ICAM3: variants seen among roughly 807,000 people sequenced by gnomAD.
The protein encoded by ICAM3 is intercellular adhesion molecule 3.
Under a neutral mutation model 43.6 loss-of-function variants are expected in ICAM3, and 54 were observed. That is an observed-to-expected ratio of 1.24 (90% CI 0.99 to 1.55). ICAM3 has a LOEUF of 1.55. Ranked by LOEUF, ICAM3 falls within the 40% of genes most tolerant of loss-of-function variation. The pLI is 0.00. For synonymous variants in ICAM3, 306 were observed against 312.6 expected (o/e 0.98, Z 0.22); for missense variants, 715 against 717.9 (o/e 1.00, Z 0.05).
chr19:10,335,962 CACGCTCCGGGA>C lies in ICAM3; in HGVS notation c.347_357del (p.Leu116ArgfsTer194), dbSNP rs1235136229. On this transcript the variant is annotated frameshift_variant, in exon 3 of 7. Transcript: ENST00000160262. LOFTEE classifies it high-confidence loss of function. ...CAAGGAGGCAGGGGTGCCAGCTCCA[CACGCTCCGGGA>C]GCCCTGAGAGAGGAGGGGAGGATGG... 1 of 1,564,414 alleles carries C rather than the reference CACGCTCCGGGA, an allele frequency of 6.4e-7. No individual in the cohort carries two copies. The highest frequency in any genetic ancestry group is 1.3e-5 in the African/African-American group (1 of 74,338).
At chr19:10,339,031 T>G in intron 1 of ICAM3, 83 bp from the exon 2 acceptor site, 4 of 1,442,382 alleles carry the variant, frequency 2.8e-6, no homozygotes, top group Non-Finnish European at 2.9e-6. Flanking sequence ...TTAACACCTC[T>G]CTCCTTGTGC....
At position 10,334,189 on chromosome 19, in the gene ICAM3, T is replaced by C; in HGVS notation, c.1412A>G (p.Tyr471Cys). 1 of 1,613,498 alleles carries C rather than the reference T, an allele frequency of 6.2e-7. No individual in the cohort carries two copies. The highest frequency in any genetic ancestry group is 8.5e-7 in the Non-Finnish European group (1 of 1,179,906). The change falls in exon 6 of 7, where the codon TAC becomes TGC. Residue 471 changes from tyrosine to cysteine, a missense_variant. Transcript: ENST00000160262. The surrounding 1 kb of genome is among the most constrained non-coding windows in gnomAD (Gnocchi z 5.5). ...AATGTCCATCACCACGACCAGGGTG[T>C]ATTTGCCTCGTGAGCTGGACGCTTG... ...QCQASSSRGK[Y>C]TLVVVMDIEA...
In ICAM3 at chr19:10,334,742, G is replaced by A; in HGVS notation, c.978C>T (p.Ala326=). Residue 326 remains alanine (A), a synonymous_variant, in exon 5 of 7, where the codon GCC becomes GCT. Coordinates refer to ENST00000160262, the MANE Select transcript of ICAM3 (RefSeq NM_002162.5). The surrounding 1 kb of genome is among the most constrained non-coding windows in gnomAD (Gnocchi z 5.5). ...GPIVNLSEPT[A]HEGSTVTVSC... is the part of the protein sequence containing the mutation. ...TCACGGTCACTGTGGACCCCTCATG[G>A]GCGGTGGGCTCGCTGAGGTTCACAA... The A allele has an allele frequency of 6.2e-7, 1 of 1,609,810 alleles. No individual in the cohort carries two copies. The highest frequency in any genetic ancestry group is 8.5e-7 in the Non-Finnish European group (1 of 1,177,382).
At chr19:10,339,214 T>C (rs1443128776) in intron 1 of ICAM3, 2 of 584,760 alleles carry the variant, frequency 3.4e-6, no homozygotes, top group Non-Finnish European at 6.1e-6. Flanking sequence ...GAAGGCTAAG[T>C]AGGAGTTAGC....
intron 2 of ICAM3, among the ~76,000 whole-genome samples, chr19:10,338,426 T>C (rs1232949584): frequency 1.3e-5 from 2 of 151,580 alleles, no homozygotes. Flanking sequence ...AAAATGCTTG[T>C]TGGGGCCCAA....
rs771277987 is a variant in ICAM3 at position 10,333,845 on chromosome 19, C to T, written c.*12G>A. Reference sequence around the variant, plus strand: ...GCCAAGCCCCCGCCAACTTTGATCCCGGATCCCAGCGTCACTCAGCTCTGG... The same window carrying T: ...GCCAAGCCCCCGCCAACTTTGATCCTGGATCCCAGCGTCACTCAGCTCTGG... On this transcript the variant is annotated 3_prime_UTR_variant, in exon 7 of 7. Coordinates refer to ENST00000160262, the MANE Select transcript of ICAM3 (RefSeq NM_002162.5). This position sits in a 1 kb window ranked among gnomAD's most constrained non-coding sequence, Gnocchi z 4.2. The T allele has an allele frequency of 7.4e-6, 12 of 1,611,910 alleles. No individual in the cohort carries two copies. Among genetic ancestry groups the T allele is most frequent in the Non-Finnish European group, 1.7e-6 (2 of 1,178,236 alleles).
intron 1 of ICAM3, 138 bp downstream of exon 1, chr19:10,339,401 C>G: frequency 1.4e-6 from 1 of 738,328 alleles, no homozygotes; most frequent in Non-Finnish European, 2.3e-6. Context: ...GGAACCAGAA[C>G]TTTCTCCCGA....
Position 10,335,658 on chromosome 19 carries a change from C to A in ICAM3, c.649+13G>T. 6.3e-7 allele frequency: 1 copy of A among 1,589,982 alleles called. No homozygotes were observed. The highest frequency in any genetic ancestry group is 8.6e-7 in the Non-Finnish European group (1 of 1,167,548). On this transcript the variant is annotated intron_variant, in intron 3 of 6. Transcript: ENST00000160262. ...TCAGCTCGTCACCCACCGTCTGAAG[C>A]CCCTTCTCTCACCAAAGGTTCGGAG...
chr19:10,336,094 C>CT (rs1172560381), intron 2 of ICAM3, 118 bp from the exon 3 acceptor site: 3 of 856,048 alleles, frequency 3.5e-6, no homozygotes, highest in Non-Finnish European at 5.3e-6. Context: ...AGTTAATAAA[C>CT]TTAGAGGGCT....
rs141412554 is a variant in ICAM3 at position 10,338,889 on chromosome 19, C to T, written c.136G>A (p.Gly46Arg). The T allele has an allele frequency of 9.3e-6, 15 of 1,613,996 alleles. No individual in the cohort carries two copies. The highest frequency in any genetic ancestry group is 5.3e-5 in the African/African-American group (4 of 74,912). ...VEPQNPVLSA[G>R]GSLFVNCSTD... ...CTGCAGTTCACAAACAGGGACCCTCCAGCAGAGAGCACAGGGTTCTGGGGC... is the reference window on the plus strand; with the variant it reads ...CTGCAGTTCACAAACAGGGACCCTCTAGCAGAGAGCACAGGGTTCTGGGGC... Residue 46 changes from glycine (G) to arginine (R), a missense_variant, in exon 2 of 7, where the codon GGA (glycine) becomes AGA (arginine). Coordinates refer to ENST00000160262, the MANE Select transcript of ICAM3 (RefSeq NM_002162.5).
At chr19:10,336,839 G>A (rs2040603229) in intron 2 of ICAM3, among the ~76,000 whole-genome samples, 1 of 149,282 alleles carries the variant, frequency 6.7e-6, no homozygotes, top group Non-Finnish European at 1.5e-5. Flanking sequence ...GCTGGGCAAG[G>A]TGACTCATGC....
At chr19:10,335,622 T>C in intron 3 of ICAM3, 49 bp downstream of exon 3, 1 of 1,521,812 alleles carries the variant, frequency 6.6e-7, no homozygotes, top group South Asian at 1.2e-5. Context: ...CAGGGCACCG[T>C]CTACCCTGGC....
chr19:10,337,452 A>AGCCAG (rs1259415175), intron 2 of ICAM3, among the ~76,000 whole-genome samples: 1 of 13,842 alleles, frequency 7.2e-5, no homozygotes, highest in Admixed American at 3.6e-4. Flanking sequence ...GAAAAAAAAA[A>AGCCAG]GTAGCCAGGC....
rs756172817 is a variant in ICAM3 at position 10,334,545 on chromosome 19, A to G, written c.1175T>C (p.Val392Ala). The G allele has an allele frequency of 1.2e-6, 2 of 1,611,034 alleles. No homozygotes were observed. The change falls in exon 5 of 7, where the codon GTC (valine) becomes GCC (alanine). Residue 392 changes from valine to alanine, a missense_variant. By Grantham distance (64) the Val-to-Ala change is moderately conservative. Transcript: ENST00000160262. This position sits in a 1 kb window ranked among gnomAD's most constrained non-coding sequence, Gnocchi z 5.5. The part of the protein sequence containing the change: ...DGEFLHRNSS[V>A]QLRVLYGPKI... ...CGACTCACACAGGACTCGCAGCTGG[A>G]CGCTACTGTTCCTGTGCAAGAACTC...
chr19:10,338,954 G>A lies in ICAM3; in HGVS notation c.77-6C>T, dbSNP rs769547272. 6.2e-7 allele frequency: 1 copy of A among 1,612,288 alleles called. No individual in the cohort carries two copies. Among genetic ancestry groups the A allele is most frequent in the Non-Finnish European group, 8.5e-7 (1 of 1,179,080 alleles). On this transcript the variant is annotated splice_polypyrimidine_tract_variant and splice_region_variant and intron_variant, in intron 1 of 6. Coordinates refer to ENST00000160262, the MANE Select transcript of ICAM3 (RefSeq NM_002162.5). ...GAACTCCTGCCCCTGGACACCTTCA[G>A]GAACATGAAGAAGTCCTGGTGTTTG... is the stretch of plus-strand genomic sequence containing the variant.
chr19:10,334,077 TAA>T lies in ICAM3; in HGVS notation c.1442-20_1442-19del. 6.2e-7 allele frequency: 1 copy of T among 1,613,366 alleles called. No individual in the cohort carries two copies. ...GCTCCCAGCTGTGCAGAGAAAGCGC[TAA>T]GTCAATATGCGTCCCTTCTGTCTCC... On this transcript the variant is annotated intron_variant, in intron 6 of 6. Transcript: ENST00000160262. This position sits in a 1 kb window ranked among gnomAD's most constrained non-coding sequence, Gnocchi z 5.5.
chr19:10,335,975 C>CTCCA lies in ICAM3; in HGVS notation c.344_345insTGGA (p.Arg115SerfsTer200). ...GTGCCAGCTCCACACGCTCCGGGAG[C>CTCCA]CCTGAGAGAGGAGGGGAGGATGGCA... is the stretch of plus-strand genomic sequence containing the variant. On this transcript the variant is annotated frameshift_variant and splice_region_variant, in exon 3 of 7. Coordinates refer to ENST00000160262, the MANE Select transcript of ICAM3 (RefSeq NM_002162.5). LOFTEE classifies it high-confidence loss of function. 6.5e-7 allele frequency: 1 copy of CTCCA among 1,549,192 alleles called. No homozygotes were observed. Among genetic ancestry groups the CTCCA allele is most frequent in the South Asian group, 1.2e-5 (1 of 85,614 alleles).
rs1326638756 is a variant in ICAM3, at chr19:10,339,519, C to T, written c.76+20G>A. The T allele has an allele frequency of 6.2e-7, 1 of 1,612,232 alleles. No individual in the cohort carries two copies. The highest frequency in any genetic ancestry group is 8.5e-7 in the Non-Finnish European group (1 of 1,178,806). Reference sequence around the variant, plus strand: ...CAAAACGCAGCCCTCTCCAGCCCTCCCCGGCTTGACTGGTCTCACCTGGGG... The same window carrying T: ...CAAAACGCAGCCCTCTCCAGCCCTCTCCGGCTTGACTGGTCTCACCTGGGG... On this transcript the variant is annotated intron_variant, in intron 1 of 6. Transcript: ENST00000160262.
At position 10,335,157 on chromosome 19, in the gene ICAM3, C is replaced by CGCCGTG; in HGVS notation, c.840_845dup (p.Thr281_Ala282dup). 1 of 1,613,790 alleles carries CGCCGTG rather than the reference C, an allele frequency of 6.2e-7. No individual in the cohort carries two copies. The highest frequency in any genetic ancestry group is 1.1e-5 in the South Asian group (1 of 91,082). On this transcript the variant is annotated inframe_insertion, in exon 4 of 7. Transcript: ENST00000160262. ...CCCGGGCACCCTCCTGATCCGCGCGCGCCGTGGCTGTGGCTGTGGCCGTTA... is the reference window on the plus strand; with the variant it reads ...CCCGGGCACCCTCCTGATCCGCGCGCGCCGTGGCCGTGGCTGTGGCTGTGGCCGTTA...
Sources: gnomAD v4.1 joint callset for allele counts (sites outside exome capture counted in the v4.1 genomes callset) on GRCh38, gnomAD v4.1.1 for gene constraint, Gnocchi (gnomAD v3.1) non-coding constraint, MANE v1.5 for transcripts, NCBI Gene and HGNC (gene_info 2026-07-23, HGNC 2026-07-21) for gene names.